SND1: variants seen among roughly 807,000 people sequenced by gnomAD.
SND1 encodes the protein staphylococcal nuclease domain-containing protein 1.
A neutral mutation model predicts 121.7 loss-of-function variants in SND1; 38 were observed. The observed-to-expected ratio is 0.31, with a 90% CI of 0.24 to 0.41. The LOEUF is 0.41. Ranked by LOEUF, SND1 falls within the 10% of genes least tolerant of loss-of-function variation. The probability of loss-of-function intolerance (pLI) is 1.00; values close to 1 mark genes in which losing one functional copy is unlikely to be tolerated. For synonymous variants in SND1, 401 were observed against 447.4 expected, an observed-to-expected ratio of 0.90 and a Z score of 1.31; for missense variants, 868 against 1,184.6, an observed-to-expected ratio of 0.73 and a Z score of 3.92.
chr7:127,793,466 G>C (rs578167900), intron 10 of SND1, among the ~76,000 whole-genome samples: 2 of 152,186 alleles, frequency 1.3e-5, no homozygotes, highest in East Asian at 3.9e-4. Flanking sequence ...TGTTTGTTTT[G>C]TTTTTTAATG....
chr7:127,793,945 G>A (rs533226045), intron 10 of SND1, among the ~76,000 whole-genome samples: 1 of 152,198 alleles, frequency 6.6e-6, no homozygotes, highest in East Asian at 1.9e-4. Context: ...GTGGGGCAAG[G>A]CATGCTATAT....
intron 15 of SND1, among the ~76,000 whole-genome samples, chr7:127,971,599 C>A (rs1801988302): frequency 6.6e-6 from 1 of 152,080 alleles, no homozygotes; most frequent in African/African-American, 2.4e-5. Flanking sequence ...ACTGGGTTTA[C>A]AAACACCAGC....
chr7:127,679,908 A>G (rs1437083763), intron 1 of SND1, among the ~76,000 whole-genome samples: 3 of 152,114 alleles, frequency 2.0e-5, no homozygotes, highest in African/African-American at 7.2e-5. Context: ...TTGGTGTACA[A>G]GTTTCTGTGT....
chr7:127,954,625 C>T (rs1390315928), intron 15 of SND1, among the ~76,000 whole-genome samples: 2 of 152,102 alleles, frequency 1.3e-5, no homozygotes, highest in Non-Finnish European at 1.5e-5. Context: ...ATCTGGAGAG[C>T]AATATTTCTT....
chr7:127,926,883 G>A (rs1166322893), intron 14 of SND1, among the ~76,000 whole-genome samples: 6 of 151,948 alleles, frequency 3.9e-5, no homozygotes, highest in Non-Finnish European at 7.4e-5. Context: ...GAGCCACCAC[G>A]CCCAGCCTGA....
chr7:127,765,083 A>C (rs1160655111), intron 10 of SND1, among the ~76,000 whole-genome samples: 2 of 152,176 alleles, frequency 1.3e-5, no homozygotes. Context: ...GACCATCAGA[A>C]TCAGTTAGGT....
At chr7:127,964,754 A>G (rs1426616231) in intron 15 of SND1, among the ~76,000 whole-genome samples, 1 of 143,014 alleles carries the variant, frequency 7.0e-6, no homozygotes, top group Non-Finnish European at 1.5e-5. Context: ...TTTTGGTTCC[A>G]TATGAACTTT....
At chr7:127,857,359 ATTTTTTTTTTTTTT>A (rs34235946) in intron 12 of SND1, among the ~76,000 whole-genome samples, 1 of 113,154 alleles carries the variant, frequency 8.8e-6, no homozygotes, top group Non-Finnish European at 1.8e-5. Context: ...CCCCCGGCTA[ATTTTTTTTTTTTTT>A]TTTTTTTTTA....
At chr7:127,818,885 T>C (rs1798496194) in intron 11 of SND1, among the ~76,000 whole-genome samples, 1 of 152,210 alleles carries the variant, frequency 6.6e-6, no homozygotes, top group Admixed American at 6.5e-5. Flanking sequence ...GGTCTTTGAT[T>C]AGAAGTTTAG....
intron 11 of SND1, among the ~76,000 whole-genome samples, chr7:127,826,910 G>T (rs553421737): frequency 6.6e-6 from 1 of 152,302 alleles, no homozygotes; most frequent in Admixed American, 6.5e-5. Flanking sequence ...ATCTCCCTGT[G>T]TCATTCATTT....
At chr7:127,812,178 T>C (rs1240622486) in intron 11 of SND1, among the ~76,000 whole-genome samples, 1 of 152,254 alleles carries the variant, frequency 6.6e-6, no homozygotes, top group East Asian at 1.9e-4. Flanking sequence ...TTGTGTATAC[T>C]GAGTCAGATA....
At chr7:127,693,079 A>T (rs138236597) in intron 2 of SND1, among the ~76,000 whole-genome samples, 259 of 152,318 alleles carry the variant, frequency 1.7e-3, no homozygotes, top group African/African-American at 5.9e-3. Flanking sequence ...TTAAATATTA[A>T]TACTCAGGAC....
At chr7:127,937,682 C>T (rs748524006) in intron 15 of SND1, among the ~76,000 whole-genome samples, 1 of 152,218 alleles carries the variant, frequency 6.6e-6, no homozygotes, top group Non-Finnish European at 1.5e-5. Context: ...CCTTTAAGAT[C>T]TCTTCTCTAG....
intron 16 of SND1, chr7:128,030,317 C>T (rs1344036367): frequency 1.2e-6 from 2 of 1,613,990 alleles, no homozygotes; most frequent in African/African-American, 2.7e-5. Context: ...GGATGGAGTT[C>T]CTGCCCAACT....
intron 10 of SND1, among the ~76,000 whole-genome samples, chr7:127,769,462 G>A (rs540240206): frequency 6.6e-6 from 1 of 152,254 alleles, no homozygotes; most frequent in African/African-American, 2.4e-5. Context: ...GAATTCAGAG[G>A]ACTGAACTTA....
At chr7:127,930,441 A>G (rs1185708598) in intron 15 of SND1, among the ~76,000 whole-genome samples, 1 of 151,834 alleles carries the variant, frequency 6.6e-6, no homozygotes, top group Non-Finnish European at 1.5e-5. Flanking sequence ...GAGATAAATC[A>G]CTCCCTGAAC....
chr7:127,691,043 T>G (rs1051200976), intron 2 of SND1, among the ~76,000 whole-genome samples: 3 of 152,218 alleles, frequency 2.0e-5, no homozygotes, highest in Non-Finnish European at 4.4e-5. Context: ...GCTTAGATAC[T>G]GCATTGATGG....
chr7:127,767,198 C>T (rs896848832), intron 10 of SND1, among the ~76,000 whole-genome samples: 2 of 152,096 alleles, frequency 1.3e-5, no homozygotes, highest in Non-Finnish European at 2.9e-5. Flanking sequence ...GGTGTGGTGC[C>T]GTTCTCCTCT....
At chr7:128,001,323 ACT>A (rs1393894621) in intron 16 of SND1, among the ~76,000 whole-genome samples, 1 of 152,112 alleles carries the variant, frequency 6.6e-6, no homozygotes, top group South Asian at 2.1e-4. Flanking sequence ...TCTTAATGAA[ACT>A]CTGTTAGCAT....
Sources: gnomAD v4.1 joint callset for allele counts (sites outside exome capture counted in the v4.1 genomes callset) on GRCh38, gnomAD v4.1.1 for gene constraint, MANE v1.5 for transcripts, NCBI Gene and HGNC (gene_info 2026-07-23, HGNC 2026-07-21) for gene names.